The following SUGP1 variants were observed in gnomAD, a reference collection of about 807,000 sequenced individuals.
The protein encoded by SUGP1 is SURP and G-patch domain containing 1, also known as SURP and G-patch domain-containing protein 1.
In SUGP1, 34 loss-of-function variants were observed where a neutral mutation model predicts 76.5. That is an observed-to-expected ratio of 0.44 (90% CI 0.34 to 0.59). The LOEUF (loss-of-function observed/expected upper bound fraction) is 0.59, where lower values mean the gene tolerates loss of function less well. Ranked by LOEUF, SUGP1 falls within the 20% of genes least tolerant of loss-of-function variation. The pLI, the probability that SUGP1 is intolerant of heterozygous loss-of-function variation, is 0.01. For synonymous variants in SUGP1, 326 were observed against 326.2 expected, an observed-to-expected ratio of 1.00 and a Z score of 0.01; for missense variants, 752 against 851.7, an observed-to-expected ratio of 0.88 and a Z score of 1.46.
chr19:19,278,014 C>A, intron 11 of SUGP1, 135 bp from the exon 12 acceptor site: 1 of 1,092,822 alleles, frequency 9.2e-7, no homozygotes, highest in Non-Finnish European at 1.3e-6. Context: ...GATCAGACTC[C>A]TTGAGAACAA....
Position 19,298,630 on chromosome 19 carries a change from C to A in SUGP1, c.888-1286G>T, listed in dbSNP as rs1347259829. Among the ~76,000 whole-genome samples, 5 of 152,216 alleles carry A rather than the reference C, an allele frequency of 3.3e-5. No homozygotes were observed. In the East Asian group the frequency reaches 5.8e-4, roughly 18 times the overall value. On this transcript the variant is annotated intron_variant, in intron 7 of 13. Coordinates refer to ENST00000247001, the MANE Select transcript of SUGP1 (RefSeq NM_172231.4). ...ACAGAAGGACAGGAGATGACAGCAT[C>A]TTCTCTGTAATCCTGGGTCATGGTA...
chr19:19,297,474 G>C (rs771507007), intron 7 of SUGP1, 130 bp from the exon 8 acceptor site: 3 of 582,680 alleles, frequency 5.1e-6, no homozygotes, highest in Non-Finnish European at 8.2e-6. Context: ...TCATAGTCAC[G>C]GTCTCCACCA....
At chr19:19,312,781 A>T (rs2061361644) in intron 2 of SUGP1, among the ~76,000 whole-genome samples, 1 of 151,880 alleles carries the variant, frequency 6.6e-6, no homozygotes, top group African/African-American at 2.4e-5. Flanking sequence ...TGGTCAGGAG[A>T]TCGAGACCAT....
At chr19:19,307,903 G>C (rs1419285053) in intron 3 of SUGP1, among the ~76,000 whole-genome samples, 3 of 152,196 alleles carry the variant, frequency 2.0e-5, no homozygotes, top group Non-Finnish European at 4.4e-5. Context: ...GACTTGAGGA[G>C]GTCCACCCGC....
At chr19:19,301,961 G>C in intron 7 of SUGP1, 1 of 391,606 alleles carries the variant, frequency 2.6e-6, no homozygotes, top group Non-Finnish European at 4.6e-6. Context: ...CCGGCCAAGG[G>C]CTGCTGTGTG....
Position 19,303,846 on chromosome 19 carries a change from A to G in SUGP1, c.540T>C (p.Val180=). The G allele has an allele frequency of 6.2e-7, 1 of 1,613,978 alleles. No homozygotes were observed. The part of the protein sequence containing the change: ...EDYEQWLEIK[V]SPPEGAETRK... ...GAGTCTCGGCTCCCTCTGGGGGTGA[A>G]ACTTTAAGGAGGCTGTCAGTACTGG... Residue 180 remains valine (V), a splice_region_variant and synonymous_variant, in exon 5 of 14, where the codon GTT becomes GTC. Coordinates refer to ENST00000247001, the MANE Select transcript of SUGP1 (RefSeq NM_172231.4).
intron 4 of SUGP1, 89 bp from the exon 5 acceptor site, chr19:19,303,936 G>A (rs1172654105): frequency 6.2e-7 from 1 of 1,603,008 alleles, no homozygotes; most frequent in Non-Finnish European, 8.5e-7. Flanking sequence ...CGACAGAGGG[G>A]GTGGGGGGAG....
At position 19,316,528 on chromosome 19, in the gene SUGP1, G is replaced by A; in HGVS notation, c.100C>T (p.His34Tyr). Residue 34 changes from histidine (H) to tyrosine (Y), a missense_variant, in exon 2 of 14, where the codon CAC becomes TAC. Around this residue, in one of 2 missense-constraint regions of SUGP1, gnomAD observed 620 missense variants for 617.3 expected, o/e 1.00. Coordinates refer to ENST00000247001, the MANE Select transcript of SUGP1 (RefSeq NM_172231.4). ...TTCTGAGCGATGAGCTCTTCCTGGT[G>A]AAGGATGTTCATGTTCATTTTTCCA... ...KSGKMNMNIL[H>Y]QEELIAQKKR... is the part of the protein sequence containing the mutation. 1 of 1,613,966 alleles carries A rather than the reference G, an allele frequency of 6.2e-7. No homozygotes were observed. The highest frequency in any genetic ancestry group is 8.5e-7 in the Non-Finnish European group (1 of 1,180,008).
At chr19:19,315,256 A>T (rs2061384628) in intron 2 of SUGP1, among the ~76,000 whole-genome samples, 1 of 152,038 alleles carries the variant, frequency 6.6e-6, no homozygotes, top group Non-Finnish European at 1.5e-5. Context: ...AAAGCCCAAG[A>T]GCTCAAGGCT....
At chr19:19,310,335 G>C in intron 2 of SUGP1, 135 bp from the exon 3 acceptor site, 2 of 679,202 alleles carry the variant, frequency 2.9e-6, no homozygotes, top group Non-Finnish European at 5.3e-6. Context: ...TCACCTACTG[G>C]GACCCCAAAC....
chr19:19,301,507 T>C (rs978444156), intron 7 of SUGP1, among the ~76,000 whole-genome samples: 1 of 152,204 alleles, frequency 6.6e-6, no homozygotes, highest in Non-Finnish European at 1.5e-5. Context: ...CTAGGGCTGC[T>C]GAATCAACCA....
chr19:19,284,857 A>G (rs2061126869), intron 8 of SUGP1, among the ~76,000 whole-genome samples: 1 of 150,900 alleles, frequency 6.6e-6, no homozygotes, highest in Non-Finnish European at 1.5e-5. Context: ...AAAGATATGC[A>G]TGTGCTCAAA....
chr19:19,320,440 T>A (rs368036495), intron 1 of SUGP1, 23 bp downstream of exon 1: 173 of 1,607,000 alleles, frequency 1.1e-4, no homozygotes, highest in Non-Finnish European at 1.4e-4. Flanking sequence ...GGCGGCCGCC[T>A]GAGAGGAGGC....
Position 19,279,234 on chromosome 19 carries a change from T to G in SUGP1, c.1507A>C (p.Met503Leu). Residue 503 changes from methionine (M) to leucine (L), a missense_variant, in exon 10 of 14, where the codon ATG (methionine) becomes CTG (leucine). Met to Leu is a conservative substitution (Grantham distance 15). Transcript: ENST00000247001. ...ATACCCCTGGTCTTATCCATCTCCA[T>G]GCGCCGCAGCTGGTGCTCCCAGGTG... ...LGTWEHQLRR[M>L]EMDKTREWAE... The G allele has an allele frequency of 7.6e-7, 1 of 1,310,456 alleles. No individual in the cohort carries two copies. Among genetic ancestry groups the G allele is most frequent in the Non-Finnish European group, 1.0e-6 (1 of 968,766 alleles). The allele number at this position is 1,310,456 out of a possible 1,614,324, so 81.2% of individuals were successfully genotyped here.
intron 1 of SUGP1, among the ~76,000 whole-genome samples, chr19:19,318,562 A>G (rs963770100): frequency 1.4e-4 from 22 of 152,100 alleles, no homozygotes; most frequent in Non-Finnish European, 7.3e-5. Context: ...CCGAGTGGCT[A>G]GGACTACAGG....
chr19:19,276,632 T>C lies in SUGP1; in HGVS notation c.*16A>G, dbSNP rs1051371459. 6.2e-7 allele frequency: 1 copy of C among 1,614,034 alleles called. No individual in the cohort carries two copies. Among genetic ancestry groups the C allele is most frequent in the Non-Finnish European group, 8.5e-7 (1 of 1,179,980 alleles). On this transcript the variant is annotated 3_prime_UTR_variant, in exon 14 of 14. Coordinates refer to ENST00000247001, the MANE Select transcript of SUGP1 (RefSeq NM_172231.4). Reference sequence around the variant, plus strand: ...GGGACGGTTGGTCATTCAGAAAGTATGTATTTCCAGAACACTCAGTAGTAA... The same window carrying C: ...GGGACGGTTGGTCATTCAGAAAGTACGTATTTCCAGAACACTCAGTAGTAA...
Position 19,305,961 on chromosome 19 carries a change from A to G in SUGP1, c.426T>C (p.Pro142=), listed in dbSNP as rs143906951. 2 of 1,612,348 alleles carry G rather than the reference A, an allele frequency of 1.2e-6. No individual in the cohort carries two copies. The highest frequency in any genetic ancestry group is 2.2e-5 in the East Asian group (1 of 44,860). The change falls in exon 4 of 14, where the codon CCT becomes CCC. Residue 142 remains proline (P), a synonymous_variant. Coordinates refer to ENST00000247001, the MANE Select transcript of SUGP1 (RefSeq NM_172231.4). ...TGLGLASLPG[P]VKSYSHAKQL... ...GCTTGGCGTGGGAGTAGCTCTTCAC[A>G]GGGCCCGGCAGGCTGGCCAGCCCCA...
rs369646363 is a variant in SUGP1, at chr19:19,317,802, C to T, written c.35-1209G>A. On this transcript the variant is annotated intron_variant, in intron 1 of 13. Coordinates refer to ENST00000247001, the MANE Select transcript of SUGP1 (RefSeq NM_172231.4). ...TTTACAGGCATGAGGCACCGTGCCCCAGTGGCTTTTTTTTTTTTTTTTTTT... is the reference window on the plus strand; with the variant it reads ...TTTACAGGCATGAGGCACCGTGCCCTAGTGGCTTTTTTTTTTTTTTTTTTT... Among the ~76,000 whole-genome samples, 382 of 145,532 alleles carry T rather than the reference C, an allele frequency of 2.6e-3. 2 individuals carry two copies. The highest frequency in any genetic ancestry group is 9.3e-3 in the African/African-American group (368 of 39,546).
intron 12 of SUGP1, 123 bp from the exon 13 acceptor site, chr19:19,277,199 C>A: frequency 1.9e-6 from 2 of 1,045,726 alleles, no homozygotes; most frequent in Non-Finnish European, 2.6e-6. Flanking sequence ...CATATCTGCA[C>A]AGAGAGAAGC....
Sources: gnomAD v4.1 joint callset for allele counts (sites outside exome capture counted in the v4.1 genomes callset) on GRCh38, gnomAD v4.1.1 for gene constraint, gnomAD v4.1.1 regional missense constraint, MANE v1.5 for transcripts, NCBI Gene and HGNC (gene_info 2026-07-23, HGNC 2026-07-21) for gene names.